Variants in COASY observed in about 807,000 individuals in gnomAD.
COASY encodes the protein bifunctional coenzyme A synthase.
In COASY, 31 loss-of-function variants were observed where a neutral mutation model predicts 49.4. The ratio of observed to expected loss-of-function variants is 0.63; its 90% CI spans 0.47 to 0.85. The LOEUF is 0.85. Among genes scored for constraint, COASY ranks in the 40% least tolerant of loss-of-function variants. The pLI, the probability that COASY is intolerant of heterozygous loss-of-function variation, is 0.00. For synonymous variants in COASY, 285 were observed against 310.9 expected, an observed-to-expected ratio of 0.92 and a Z score of 0.88; for missense variants, 730 against 734.1, an observed-to-expected ratio of 0.99 and a Z score of 0.06.
In COASY at chr17:42,563,212, G is replaced by A. The variant is rs2143198508; in HGVS notation, c.590G>A (p.Gly197Asp). ...CGTGGCTACTACCGTGGCGCTGTCGGTGGCACGTTTGACCGCCTGCACAAC... is the reference window on the plus strand; with the variant it reads ...CGTGGCTACTACCGTGGCGCTGTCGATGGCACGTTTGACCGCCTGCACAAC... ...PVRGYYRGAV[G>D]GTFDRLHNAH... Residue 197 changes from glycine (G) to aspartate (D), a missense_variant, in exon 1 of 9, where the codon GGT becomes GAT. Coordinates refer to ENST00000393818, the MANE Select transcript of COASY (RefSeq NM_025233.7). 2 of 1,613,790 alleles carry A rather than the reference G, an allele frequency of 1.2e-6. No homozygotes were observed. The highest frequency in any genetic ancestry group is 1.3e-5 in the African/African-American group (1 of 75,042).
Position 42,566,014 on chromosome 17 carries a change from C to A in COASY, c.*46C>A. On this transcript the variant is annotated 3_prime_UTR_variant, in exon 9 of 9. Coordinates refer to ENST00000393818, the MANE Select transcript of COASY (RefSeq NM_025233.7). ...ACTGGCTCCTGGAGCTGACAAGCGA[C>A]CCCGTGGTGAGGAGAAATGGGGGCC... 2 of 1,601,348 alleles carry A rather than the reference C, an allele frequency of 1.2e-6. No individual in the cohort carries two copies. The highest frequency in any genetic ancestry group is 1.1e-5 in the South Asian group (1 of 90,810).
In COASY at chr17:42,562,505, G is replaced by A. The variant is rs1245332443; in HGVS notation, c.-118G>A. 1 of 1,613,196 alleles carries A rather than the reference G, an allele frequency of 6.2e-7. No homozygotes were observed. Among genetic ancestry groups the A allele is most frequent in the African/African-American group, 1.3e-5 (1 of 74,894 alleles). ...TCCTGTCGGTCAGCACTGAAACCCC[G>A]TCCCTGCTCCAGGCCTCCTTCTCTG... On this transcript the variant is annotated 5_prime_UTR_variant, in exon 1 of 9. Transcript: ENST00000393818.
Position 42,562,778 on chromosome 17 carries a change from G to C in COASY, c.156G>C (p.Gln52His), listed in dbSNP as rs200009135. ...GCATGAGCCTGGAGGGCCCGGCTCAGCCCCAGTCCAGCCCCGTGCAGGCCA... is the reference window on the plus strand; with the variant it reads ...GCATGAGCCTGGAGGGCCCGGCTCACCCCCAGTCCAGCCCCGTGCAGGCCA... ...QPGMSLEGPA[Q>H]PQSSPVQATF... The change falls in exon 1 of 9, where the codon CAG (glutamine) becomes CAC (histidine). Residue 52 changes from glutamine (Q) to histidine (H), a missense_variant. Transcript: ENST00000393818. 1.4e-4 allele frequency: 220 copies of C among 1,604,944 alleles called. 2 individuals are homozygous for C. The East Asian group carries it at 4.0e-3, about 29-fold the overall frequency.
Position 42,564,987 on chromosome 17 carries a change from T to A in COASY, c.1242T>A (p.Ile414=). Residue 414 remains isoleucine (I), a synonymous_variant, in exon 5 of 9, where the codon ATT becomes ATA. Transcript: ENST00000393818. ...TTGTCTGTCTGTGTTGTCCAGATAT[T>A]CTCCATAAAGATGGCATCATCAACA... The part of the protein sequence containing the change: ...QPVVEAFGTD[I]LHKDGIINRK... The A allele has an allele frequency of 6.2e-7, 1 of 1,614,144 alleles. No homozygotes were observed. The highest frequency in any genetic ancestry group is 8.5e-7 in the Non-Finnish European group (1 of 1,180,028).
intron 1 of COASY, chr17:42,563,751 C>T: frequency 1.8e-6 from 1 of 569,166 alleles, no homozygotes; most frequent in South Asian, 2.3e-5. Flanking sequence ...GGCTTATTCT[C>T]TGGACACATG....
At position 42,562,270 on chromosome 17, in the gene COASY, T is replaced by G; in HGVS notation, c.-353T>G. On this transcript the variant is annotated 5_prime_UTR_variant, in exon 1 of 9. Transcript: ENST00000393818. Reference sequence around the variant, plus strand: ...TAGCGTCCCCCTTTAGCCTCCCTCTTCGATTCCTTGAAGACCCTGGTGCAG... The same window carrying G: ...TAGCGTCCCCCTTTAGCCTCCCTCTGCGATTCCTTGAAGACCCTGGTGCAG... 1.4e-6 allele frequency: 1 copy of G among 696,350 alleles called. No individual in the cohort carries two copies. Among genetic ancestry groups the G allele is most frequent in the Non-Finnish European group, 2.4e-6 (1 of 410,484 alleles). 43.1% of individuals were successfully genotyped at this position (696,350 alleles called of 1,614,324 possible). A position where few individuals can be genotyped will look rare whatever the true frequency, so the allele number is the denominator to read the frequency against.
rs756436403 is a variant in COASY at position 42,565,680 on chromosome 17, A to T, written c.1507A>T (p.Arg503Trp). ...ETEAVRRIVE[R>W]DGLSEAAAQS... ...TCAGGCTGTAAGACGCATTGTGGAG[A>T]GGGATGGCCTCAGTGAAGCCGCGGC... Residue 503 changes from arginine (R) to tryptophan (W), a missense_variant, in exon 8 of 9, where the codon AGG becomes TGG. Coordinates refer to ENST00000393818, the MANE Select transcript of COASY (RefSeq NM_025233.7). The T allele has an allele frequency of 3.7e-6, 6 of 1,613,926 alleles. No homozygotes were observed. Among genetic ancestry groups the T allele is most frequent in the Non-Finnish European group, 5.1e-6 (6 of 1,180,034 alleles).
intron 1 of COASY, 44 bp from the exon 2 acceptor site, chr17:42,563,916 TC>T: frequency 2.0e-6 from 3 of 1,504,568 alleles, no homozygotes; most frequent in Non-Finnish European, 2.7e-6. Flanking sequence ...CATACTCTCC[TC>T]CCCAATAAAA....
At position 42,564,180 on chromosome 17, in the gene COASY, C is replaced by T. The variant is rs2092990841; in HGVS notation, c.915+5C>T. 1 of 1,613,418 alleles carries T rather than the reference C, an allele frequency of 6.2e-7. No homozygotes were observed. Among genetic ancestry groups the T allele is most frequent in the South Asian group, 1.1e-5 (1 of 91,020 alleles). ...AACCGCTTCCGCCTTGAGAATGTAACCCCTGAGGGAGACTGGCAGAGGGAG... is the reference window on the plus strand; with the variant it reads ...AACCGCTTCCGCCTTGAGAATGTAATCCCTGAGGGAGACTGGCAGAGGGAG... On this transcript the variant is annotated splice_donor_5th_base_variant and intron_variant, in intron 2 of 8. Coordinates refer to ENST00000393818, the MANE Select transcript of COASY (RefSeq NM_025233.7).
rs2092985189 is a variant in COASY, at chr17:42,563,109, G to C, written c.487G>C (p.Val163Leu). The change falls in exon 1 of 9, where the codon GTG becomes CTG. Residue 163 changes from valine to leucine, a missense_variant. Val to Leu is a conservative substitution (Grantham distance 32). Transcript: ENST00000393818. ...CGATTATGGGATAGGAGAAGTGCCC[G>C]TGGAGCCCCTGGATGTCCCCTTACC... The part of the protein sequence containing the change: ...YSDYGIGEVP[V>L]EPLDVPLPST... 2 of 1,613,576 alleles carry C rather than the reference G, an allele frequency of 1.2e-6. No individual in the cohort carries two copies. Among genetic ancestry groups the C allele is most frequent in the Non-Finnish European group, 1.7e-6 (2 of 1,179,598 alleles).
chr17:42,563,560 T>A, intron 1 of COASY: 1 of 544,260 alleles, frequency 1.8e-6, no homozygotes, highest in East Asian at 3.1e-5. Flanking sequence ...GGGATCTGCA[T>A]TTTAGCAAGT....
In COASY at chr17:42,562,794, G is replaced by A. The variant is rs1190916349; in HGVS notation, c.172G>A (p.Val58Met). The A allele has an allele frequency of 6.2e-7, 1 of 1,611,508 alleles. No homozygotes were observed. The highest frequency in any genetic ancestry group is 8.5e-7 in the Non-Finnish European group (1 of 1,178,648). ...EGPAQPQSSP[V>M]QATFEVLDFI... is the part of the protein sequence containing the mutation. ...CCCGGCTCAGCCCCAGTCCAGCCCC[G>A]TGCAGGCCACGTTTGAGGTTCTTGA... The change falls in exon 1 of 9, where the codon GTG (valine) becomes ATG (methionine). Residue 58 changes from valine to methionine, a missense_variant. Transcript: ENST00000393818.
chr17:42,564,410 T>G, intron 2 of COASY, 36 bp from the exon 3 acceptor site: 1 of 1,613,766 alleles, frequency 6.2e-7, no homozygotes, highest in East Asian at 2.2e-5. Flanking sequence ...TCTCACTCCC[T>G]CCTTCCCTCT....
At position 42,563,237 on chromosome 17, in the gene COASY, C is replaced by A. The variant is rs149475124; in HGVS notation, c.615C>A (p.Asn205Lys). Residue 205 changes from asparagine to lysine, a missense_variant, in exon 1 of 9, where the codon AAC (asparagine) becomes AAA (lysine). Transcript: ENST00000393818. ...GTGGCACGTTTGACCGCCTGCACAA[C>A]GCCCACAAGGTGTTGCTCAGTGTCG... ...AVGGTFDRLHNAHKVLLSVAC... is the reference protein window; with the variant it reads ...AVGGTFDRLHKAHKVLLSVAC... The A allele has an allele frequency of 2.5e-5, 40 of 1,613,240 alleles. No homozygotes were observed. The highest frequency in any genetic ancestry group is 3.1e-5 in the Non-Finnish European group (37 of 1,180,024).
chr17:42,566,032 TGGG>T lies in COASY; in HGVS notation c.*67_*69del. 6.5e-7 allele frequency: 1 copy of T among 1,549,168 alleles called. No homozygotes were observed. The highest frequency in any genetic ancestry group is 8.9e-7 in the Non-Finnish European group (1 of 1,122,172). On this transcript the variant is annotated 3_prime_UTR_variant, in exon 9 of 9. Transcript: ENST00000393818. Reference sequence around the variant, plus strand: ...CAAGCGACCCCGTGGTGAGGAGAAATGGGGGCCTTGATGCTCACCCTGGTTCAG... The same window carrying T: ...CAAGCGACCCCGTGGTGAGGAGAAATGGCCTTGATGCTCACCCTGGTTCAG...
chr17:42,565,679 G>T lies in COASY; in HGVS notation c.1506G>T (p.Glu502Asp). 6.2e-7 allele frequency: 1 copy of T among 1,614,122 alleles called. No homozygotes were observed. The highest frequency in any genetic ancestry group is 8.5e-7 in the Non-Finnish European group (1 of 1,180,038). ...CTCAGGCTGTAAGACGCATTGTGGA[G>T]AGGGATGGCCTCAGTGAAGCCGCGG... is the stretch of plus-strand genomic sequence containing the variant. ...PETEAVRRIV[E>D]RDGLSEAAAQ... is the part of the protein sequence containing the mutation. The change falls in exon 8 of 9, where the codon GAG becomes GAT. Residue 502 changes from glutamate to aspartate, a missense_variant. Coordinates refer to ENST00000393818, the MANE Select transcript of COASY (RefSeq NM_025233.7).
chr17:42,563,697 T>C, intron 1 of COASY: 1 of 530,332 alleles, frequency 1.9e-6, no homozygotes, highest in Non-Finnish European at 3.3e-6. Flanking sequence ...CATCTGCCTC[T>C]GATGCCCTCT....
At chr17:42,563,622 C>T in intron 1 of COASY, 1 of 515,032 alleles carries the variant, frequency 1.9e-6, no homozygotes, top group East Asian at 3.3e-5. Flanking sequence ...GGTGAGTGAG[C>T]TGCAGGTAGC....
In COASY at chr17:42,564,813, T is replaced by C. The variant is rs1412132810; in HGVS notation, c.1152T>C (p.Phe384=). Residue 384 remains phenylalanine (F), a synonymous_variant, in exon 4 of 9, where the codon TTT becomes TTC. Coordinates refer to ENST00000393818, the MANE Select transcript of COASY (RefSeq NM_025233.7). ...IAQRLKGLGA[F]VIDSDHLGHR... The stretch of plus-strand genomic sequence containing the variant: ...AGCGACTGAAGGGCCTGGGGGCGTT[T>C]GTCATTGACAGTGACCACCTGGGTC... 3 of 1,558,574 alleles carry C rather than the reference T, an allele frequency of 1.9e-6. No homozygotes were observed. The highest frequency in any genetic ancestry group is 4.0e-5 in the Admixed American group (2 of 49,436).
Sources: allele counts gnomAD v4.1 joint callset, GRCh38; gene constraint gnomAD v4.1.1; transcripts MANE v1.5; gene names NCBI Gene and HGNC (gene_info 2026-07-23, HGNC 2026-07-21).